DAB1: variants seen among roughly 807,000 people sequenced by gnomAD.
DAB1 encodes disabled homolog 1.
In DAB1, 15 loss-of-function variants were observed where a neutral mutation model predicts 64.6. That is an observed-to-expected ratio of 0.23 (90% confidence interval 0.16 to 0.36). DAB1 has a LOEUF of 0.36. DAB1 is among the 10% of genes least tolerant of loss of function. DAB1 has a pLI of 1.00. For missense variants in DAB1, 596 were observed against 706.7 expected, an observed-to-expected ratio of 0.84 and a Z score of 1.78; for synonymous variants, 235 against 251.9, an observed-to-expected ratio of 0.93 and a Z score of 0.64.
At chr1:57,235,147 T>C (rs985909096) in intron 2 of DAB1, among the ~76,000 whole-genome samples, 3 of 152,282 alleles carry the variant, frequency 2.0e-5, no homozygotes, top group South Asian at 4.2e-4. Flanking sequence ...TAACACAGAG[T>C]TATGTCCAAC....
chr1:57,061,228 TGGGGG>T (rs5774326), intron 9 of DAB1, among the ~76,000 whole-genome samples: 1 of 114,744 alleles, frequency 8.7e-6, no homozygotes, highest in East Asian at 2.3e-4. Context: ...CATATTTAGA[TGGGGG>T]GGGGGGGTGG....
intron 2 of DAB1, among the ~76,000 whole-genome samples, chr1:57,189,246 T>G (rs1013485692): frequency 6.6e-6 from 1 of 152,218 alleles, no homozygotes; most frequent in South Asian, 2.1e-4. Flanking sequence ...TAGCTGACAT[T>G]TGGAAAATCG....
At chr1:57,364,667 T>C (rs1035661347) in intron 1 of DAB1, among the ~76,000 whole-genome samples, 29 of 151,982 alleles carry the variant, frequency 1.9e-4, no homozygotes, top group African/African-American at 6.8e-4. Flanking sequence ...TATTACTAGA[T>C]TAGAAAATAA....
intron 6 of DAB1, among the ~76,000 whole-genome samples, chr1:57,670,038 G>C (rs1242350251): frequency 6.6e-6 from 1 of 152,098 alleles, no homozygotes; most frequent in Admixed American, 6.6e-5. Flanking sequence ...CCATGGAAAA[G>C]ATAAAAGGGT....
At chr1:58,117,745 C>T (rs1652424578) in intron 5 of DAB1, among the ~76,000 whole-genome samples, 1 of 151,570 alleles carries the variant, frequency 6.6e-6, no homozygotes, top group African/African-American at 2.4e-5. Context: ...GAAAATGAAA[C>T]AAGTAAAAGA....
chr1:58,380,420 A>G (rs920062340), intron 3 of DAB1, among the ~76,000 whole-genome samples: 1 of 152,244 alleles, frequency 6.6e-6, no homozygotes, highest in African/African-American at 2.4e-5. Context: ...CTGTGAGTCA[A>G]TTAAACCTGT....
chr1:57,089,914 T>C (rs1183987032), intron 4 of DAB1, among the ~76,000 whole-genome samples: 2 of 152,178 alleles, frequency 1.3e-5, no homozygotes, highest in East Asian at 1.9e-4. Flanking sequence ...ACACACAATA[T>C]ATAATTGCAT....
intron 7 of DAB1, among the ~76,000 whole-genome samples, chr1:57,448,387 A>C (rs1686228030): frequency 6.6e-6 from 1 of 152,250 alleles, no homozygotes. Flanking sequence ...GAAAAAGTTA[A>C]ACCAGTTAAG....
At position 57,605,131 on chromosome 1, in the gene DAB1, T is replaced by TCA. The variant is rs1645621101; in HGVS notation, n.625+44460_625+44461insTG. Among the ~76,000 whole-genome samples, 26 of 152,278 alleles carry TCA rather than the reference T, an allele frequency of 1.7e-4. No homozygotes were observed. The Middle Eastern group carries it at 0.01, about 60-fold the overall frequency. The stretch of plus-strand genomic sequence containing the variant: ...GAACTTTAAAATGAGAAGGAGACAA[T>TCA]GAATCCTGAGTTGAAATAATTTTCT... On this transcript the variant is annotated intron_variant and non_coding_transcript_variant, in intron 7 of 20. Transcript: ENST00000485760.
intron 5 of DAB1, among the ~76,000 whole-genome samples, chr1:58,089,562 T>C (rs1448580702): frequency 6.6e-6 from 1 of 152,174 alleles, no homozygotes; most frequent in African/African-American, 2.4e-5. Flanking sequence ...TTGTAAAAAA[T>C]AAAATGGTCT....
intron 4 of DAB1, among the ~76,000 whole-genome samples, chr1:58,207,887 A>G (rs1658360732): frequency 6.6e-6 from 1 of 152,158 alleles, no homozygotes; most frequent in Non-Finnish European, 1.5e-5. Flanking sequence ...AGAAGGACAT[A>G]CCTGAGACTG....
rs551737413 is a variant in DAB1, at chr1:58,274,614, G to T, written n.309+68738C>A. Among the ~76,000 whole-genome samples, 61 of 151,660 alleles carry T rather than the reference G, an allele frequency of 4.0e-4. 1 individual carries two copies. The highest frequency in any genetic ancestry group is 6.8e-3 in the Middle Eastern group (2 of 294). ...GCGCCCCTCCCCCAGCCTCGCTGCC[G>T]CCTTGCAGTTTGATCTCAGACTTCT... On this transcript the variant is annotated intron_variant and non_coding_transcript_variant, in intron 4 of 20. Transcript: ENST00000485760.
chr1:58,456,862 T>A (rs191752555), intron 3 of DAB1, among the ~76,000 whole-genome samples: 239 of 152,264 alleles, frequency 1.6e-3, no homozygotes, highest in African/African-American at 4.9e-3. Flanking sequence ...TGGTATTTTT[T>A]AAAAACATTC....
At chr1:57,911,108 C>G (rs1243275331) in intron 5 of DAB1, among the ~76,000 whole-genome samples, 1 of 149,508 alleles carries the variant, frequency 6.7e-6, no homozygotes, top group East Asian at 1.9e-4. Context: ...GGTTTATGCA[C>G]AAAGACATTT....
At chr1:58,471,320 T>G (rs770473610) in intron 3 of DAB1, among the ~76,000 whole-genome samples, 4 of 152,182 alleles carry the variant, frequency 2.6e-5, no homozygotes, top group Admixed American at 1.3e-4. Flanking sequence ...CTCTCTCTTC[T>G]CAGGGAGGAA....
intron 5 of DAB1, among the ~76,000 whole-genome samples, chr1:58,012,745 C>T (rs985995111): frequency 6.6e-6 from 1 of 152,144 alleles, no homozygotes; most frequent in Non-Finnish European, 1.5e-5. Context: ...AACATATCTT[C>T]CAGTGCCCTC....
intron 2 of DAB1, among the ~76,000 whole-genome samples, chr1:57,196,180 A>G (rs1664606797): frequency 6.6e-6 from 1 of 152,204 alleles, no homozygotes; most frequent in Non-Finnish European, 1.5e-5. Context: ...CTCAAAATGT[A>G]GACTTTAAAT....
At chr1:57,105,290 C>A (rs1387212761) in intron 4 of DAB1, among the ~76,000 whole-genome samples, 1 of 151,716 alleles carries the variant, frequency 6.6e-6, no homozygotes, top group Non-Finnish European at 1.5e-5. Context: ...TTAATTGGAC[C>A]CTGGAGCAAA....
chr1:57,801,661 T>A (rs982177052), intron 6 of DAB1, among the ~76,000 whole-genome samples: 3 of 152,126 alleles, frequency 2.0e-5, no homozygotes, highest in African/African-American at 7.2e-5. Flanking sequence ...TTTTTATTTT[T>A]TTTTATTTTT....
Sources: allele counts gnomAD v4.1 joint callset (sites outside exome capture counted in the v4.1 genomes callset), GRCh38; gene constraint gnomAD v4.1.1; transcripts MANE v1.5; gene names NCBI Gene and HGNC (gene_info 2026-07-23, HGNC 2026-07-21).